Variants in TRIM28 observed in about 807,000 individuals in gnomAD.
TRIM28 encodes transcription intermediary factor 1-beta.
Under a neutral mutation model 87.4 loss-of-function variants are expected in TRIM28, and 8 were observed. The observed-to-expected ratio is 0.09, with a 90% CI of 0.05 to 0.17. The LOEUF is 0.17. Among genes scored for constraint, TRIM28 ranks in the 10% least tolerant of loss-of-function variants. The pLI is 1.00. For synonymous variants in TRIM28, 601 were observed against 454.3 expected (o/e 1.32, Z -4.11); for missense variants, 968 against 1,131.8 (o/e 0.86, Z 2.08).
intron 3 of TRIM28, among the ~76,000 whole-genome samples, chr19:58,546,250 C>T (rs1029795651): frequency 6.6e-6 from 1 of 152,162 alleles, no homozygotes; most frequent in Non-Finnish European, 1.5e-5. Context: ...TTGTGGTTCC[C>T]TGGCACACAT....
In TRIM28 at chr19:58,550,633, C is replaced by T; in HGVS notation, c.*80C>T. On this transcript the variant is annotated 3_prime_UTR_variant, in exon 17 of 17. Coordinates refer to ENST00000253024, the MANE Select transcript of TRIM28 (RefSeq NM_005762.3). ...CATCCCCACTCCCCTGGTGGCCTGA[C>T]TCCCACTCCCTGGTGGCCCCATCCC... 2.8e-6 allele frequency: 4 copies of T among 1,413,114 alleles called. No homozygotes were observed. The highest frequency in any genetic ancestry group is 2.4e-5 in the East Asian group (1 of 41,754). The allele number at this position is 1,413,114 out of a possible 1,614,324, so 87.5% of individuals were successfully genotyped here.
chr19:58,550,320 G>T (rs2053805531), intron 16 of TRIM28, 36 bp downstream of exon 16: 1 of 1,613,574 alleles, frequency 6.2e-7, no homozygotes, highest in African/African-American at 1.3e-5. Context: ...TGGGCAGGGG[G>T]AGATGTGAAG....
chr19:58,547,933 C>T lies in TRIM28; in HGVS notation c.954+27C>T, dbSNP rs778823281. ...TAAGCCTTGTGCCGGTGAGAAGGGT[C>T]CCTGAGCCCCCTCTGCTGATTGATG... On this transcript the variant is annotated intron_variant, in intron 6 of 16. Coordinates refer to ENST00000253024, the MANE Select transcript of TRIM28 (RefSeq NM_005762.3). 11 of 1,613,670 alleles carry T rather than the reference C, an allele frequency of 6.8e-6. No individual in the cohort carries two copies. The East Asian group carries it at 1.3e-4, about 20-fold the overall frequency.
Position 58,549,404 on chromosome 19 carries a change from T to C in TRIM28, c.1736T>C (p.Met579Thr), listed in dbSNP as rs764852136. The change falls in exon 13 of 17, where the codon ATG (methionine) becomes ACG (threonine). Residue 579 changes from methionine to threonine, a missense_variant. By Grantham distance (81) the Met-to-Thr change is moderately conservative (BLOSUM62 -1). Around this residue, in one of 11 missense-constraint regions of TRIM28, gnomAD observed 164 missense variants for 146.2 expected, o/e 1.12. Transcript: ENST00000253024. This position sits in a 1 kb window ranked among gnomAD's most constrained non-coding sequence, Gnocchi z 4.4. ...TEGPETKPVL[M>T]ALAEGPGAEG... ...GGCCCTGAGACCAAACCTGTGCTTA[T>C]GGCTCTTGCGGAGGGTCCTGGTGCT... 1.9e-6 allele frequency: 3 copies of C among 1,595,180 alleles called. No individual in the cohort carries two copies. The highest frequency in any genetic ancestry group is 1.7e-5 in the Admixed American group (1 of 58,660).
rs750472364 is a variant in TRIM28 at position 58,550,412 on chromosome 19, G to T, written c.2367G>T (p.Gln789His). 6.2e-7 allele frequency: 1 copy of T among 1,614,010 alleles called. No homozygotes were observed. Among genetic ancestry groups the T allele is most frequent in the Non-Finnish European group, 8.5e-7 (1 of 1,180,000 alleles). Residue 789 changes from glutamine (Q) to histidine (H), a missense_variant, in exon 17 of 17, where the codon CAG becomes CAT. This residue lies in a region of TRIM28 where 192 missense variants were observed against 225.6 expected (regional missense o/e 0.85). Transcript: ENST00000253024. Reference protein sequence around the residue: ...KADVQSIIGLQRFFETRMNEA... With the variant: ...KADVQSIIGLHRFFETRMNEA... ...ACGTGCAGTCCATCATCGGCCTGCA[G>T]CGCTTCTTCGAGACGCGCATGAACG...
At position 58,549,260 on chromosome 19, in the gene TRIM28, C is replaced by A. The variant is rs181259096; in HGVS notation, c.1662+20C>A. The A allele has an allele frequency of 3.9e-5, 63 of 1,607,950 alleles. No individual in the cohort carries two copies. The East Asian group carries it at 1.2e-3, about 31-fold the overall frequency. ...GTCAAGGTAAGCCTGTCCCAAGGAACTATAGCTGTAGGATGAAGCCTGTAG... is the reference window on the plus strand; with the variant it reads ...GTCAAGGTAAGCCTGTCCCAAGGAAATATAGCTGTAGGATGAAGCCTGTAG... On this transcript the variant is annotated intron_variant, in intron 12 of 16. Coordinates refer to ENST00000253024, the MANE Select transcript of TRIM28 (RefSeq NM_005762.3). The surrounding 1 kb of genome is among the most constrained non-coding windows in gnomAD (Gnocchi z 4.4).
chr19:58,548,420 G>T lies in TRIM28; in HGVS notation c.1216+12G>T. 1 of 1,614,098 alleles carries T rather than the reference G, an allele frequency of 6.2e-7. No homozygotes were observed. The highest frequency in any genetic ancestry group is 8.5e-7 in the Non-Finnish European group (1 of 1,179,984). On this transcript the variant is annotated intron_variant, in intron 8 of 16. Coordinates refer to ENST00000253024, the MANE Select transcript of TRIM28 (RefSeq NM_005762.3). Reference sequence around the variant, plus strand: ...TGCCGAGGCCTTTGGTGGGTCCCCAGCTTTACCTCACTCTGTTATTACCCC... The same window carrying T: ...TGCCGAGGCCTTTGGTGGGTCCCCATCTTTACCTCACTCTGTTATTACCCC...
chr19:58,547,074 G>C (rs765098436), intron 3 of TRIM28: 2 of 333,806 alleles, frequency 6.0e-6, no homozygotes, highest in Non-Finnish European at 1.1e-5. Flanking sequence ...GGTCAGCGGG[G>C]GTGGGGGGTG....
At chr19:58,545,659 G>T in intron 2 of TRIM28, 105 bp from the exon 3 acceptor site, 1 of 1,541,574 alleles carries the variant, frequency 6.5e-7, no homozygotes. Flanking sequence ...GGCTGCCTAG[G>T]TTGGGTCAAG....
chr19:58,549,755 A>C lies in TRIM28; in HGVS notation c.2001A>C (p.Ser667=). The change falls in exon 14 of 17, where the codon TCA becomes TCC. Residue 667 remains serine, a synonymous_variant. Coordinates refer to ENST00000253024, the MANE Select transcript of TRIM28 (RefSeq NM_005762.3). The surrounding 1 kb of genome is among the most constrained non-coding windows in gnomAD (Gnocchi z 4.4). ...ACCCTAGGGAGGAGTGGAGCTGCTC[A>C]CTCTGCCATGTGCTCCCTGACCTGA... is the stretch of plus-strand genomic sequence containing the variant. ...QDVPGEEWSC[S]LCHVLPDLKE... 1 of 1,609,840 alleles carries C rather than the reference A, an allele frequency of 6.2e-7. No homozygotes were observed. Among genetic ancestry groups the C allele is most frequent in the Non-Finnish European group, 8.5e-7 (1 of 1,176,976 alleles).
At chr19:58,548,002 C>T (rs755006810) in intron 6 of TRIM28, 32 bp from the exon 7 acceptor site, 22 of 1,613,274 alleles carry the variant, frequency 1.4e-5, no homozygotes, top group Middle Eastern at 1.6e-4. Flanking sequence ...CTTCTGCCTT[C>T]TCTGCTTACC....
At position 58,547,992 on chromosome 19, in the gene TRIM28, C is replaced by A. The variant is rs182151126; in HGVS notation, c.955-42C>A. ...TGGGGTGAGGAGTGATCCTAGTATTCTTCTGCCTTCTCTGCTTACCTCATA... is the reference window on the plus strand; with the variant it reads ...TGGGGTGAGGAGTGATCCTAGTATTATTCTGCCTTCTCTGCTTACCTCATA... On this transcript the variant is annotated intron_variant, in intron 6 of 16. Transcript: ENST00000253024. 6.5e-4 allele frequency: 1,037 copies of A among 1,606,692 alleles called. 2 individuals are homozygous for A. Among genetic ancestry groups the A allele is most frequent in the Middle Eastern group, 6.0e-3 (36 of 6,038 alleles).
rs2122635478 is a variant in TRIM28 at position 58,550,667 on chromosome 19, T to C, written c.*114T>C. On this transcript the variant is annotated 3_prime_UTR_variant, in exon 17 of 17. Coordinates refer to ENST00000253024, the MANE Select transcript of TRIM28 (RefSeq NM_005762.3). Reference sequence around the variant, plus strand: ...CCTGGTGGCCCCATCCCCCAGTTCCTCACGATATGGTTTTTACTTCTGTGG... The same window carrying C: ...CCTGGTGGCCCCATCCCCCAGTTCCCCACGATATGGTTTTTACTTCTGTGG... The C allele has an allele frequency of 9.3e-7, 1 of 1,070,336 alleles. No individual in the cohort carries two copies. The highest frequency in any genetic ancestry group is 2.6e-5 in the East Asian group (1 of 38,676). The allele number at this position is 1,070,336 out of a possible 1,614,324, so 66.3% of individuals were successfully genotyped here. A position where few individuals can be genotyped will look rare whatever the true frequency, so the allele number is the denominator to read the frequency against.
Position 58,544,804 on chromosome 19 carries a change from C to T in TRIM28, c.47C>T (p.Ala16Val), listed in dbSNP as rs2053744970. 8.2e-7 allele frequency: 1 copy of T among 1,219,618 alleles called. No homozygotes were observed. Among genetic ancestry groups the T allele is most frequent in the East Asian group, 3.5e-5 (1 of 28,340 alleles). 75.5% of individuals were successfully genotyped at this position (1,219,618 alleles called of 1,614,324 possible). ...AAASAAAASA[A>V]SGSPGPGEGS... ...GCCTCGGCAGCAGCGGCCTCGGCCG[C>T]CTCTGGCAGCCCGGGCCCGGGCGAG... is the stretch of plus-strand genomic sequence containing the variant. The change falls in exon 1 of 17, where the codon GCC (alanine) becomes GTC (valine). Residue 16 changes from alanine to valine, a missense_variant. By Grantham distance (64) the Ala-to-Val change is moderately conservative. This residue lies in a region of TRIM28 where 208 missense variants were observed against 170.9 expected (regional missense o/e 1.22). Coordinates refer to ENST00000253024, the MANE Select transcript of TRIM28 (RefSeq NM_005762.3).
Position 58,550,170 on chromosome 19 carries a change from T to C in TRIM28, c.2217T>C (p.Asp739=). The change falls in exon 16 of 17, where the codon GAT becomes GAC. Residue 739 remains aspartate, a synonymous_variant. Coordinates refer to ENST00000253024, the MANE Select transcript of TRIM28 (RefSeq NM_005762.3). ...FSLDQPGGTL[D]LTLIRARLQE... ...AGGACCAGCCCGGTGGCACCCTGGA[T>C]CTGACCCTGATCCGTGCCCGCCTCC... 1 of 1,613,904 alleles carries C rather than the reference T, an allele frequency of 6.2e-7. No individual in the cohort carries two copies. The highest frequency in any genetic ancestry group is 8.5e-7 in the Non-Finnish European group (1 of 1,179,978).
intron 3 of TRIM28, 105 bp downstream of exon 3, chr19:58,546,001 G>A (rs2053758134): frequency 7.1e-7 from 1 of 1,408,422 alleles, no homozygotes; most frequent in Non-Finnish European, 9.4e-7. Context: ...GAGTTCTCTA[G>A]GGGGTGCCGC....
intron 2 of TRIM28, 98 bp from the exon 3 acceptor site, chr19:58,545,666 C>G (rs1463513421): frequency 1.3e-6 from 2 of 1,549,842 alleles, no homozygotes; most frequent in African/African-American, 1.4e-5. Flanking sequence ...TAGGTTGGGT[C>G]AAGGGACCAA....
Position 58,545,059 on chromosome 19 carries a change from A to G in TRIM28, c.302A>G (p.Asn101Ser). The change falls in exon 1 of 17, where the codon AAC becomes AGC. Residue 101 changes from asparagine (N) to serine (S), a missense_variant. Physicochemically the swap from Asn to Ser is conservative, Grantham distance 46. Around this residue, in one of 11 missense-constraint regions of TRIM28, gnomAD observed 208 missense variants for 170.9 expected, o/e 1.22. Coordinates refer to ENST00000253024, the MANE Select transcript of TRIM28 (RefSeq NM_005762.3). Reference sequence around the variant, plus strand: ...GGGCCCGCGGCCCCCGCCGCCGCCAACAGCTCGGGGGACGGCGGGGCGGCG... The same window carrying G: ...GGGCCCGCGGCCCCCGCCGCCGCCAGCAGCTCGGGGGACGGCGGGGCGGCG... ...CLGPAAPAAA[N>S]SSGDGGAAGD... The G allele has an allele frequency of 6.9e-7, 1 of 1,454,248 alleles. No individual in the cohort carries two copies. Among genetic ancestry groups the G allele is most frequent in the Admixed American group, 3.1e-5 (1 of 32,594 alleles). The allele number at this position is 1,454,248 out of a possible 1,614,324, so 90.1% of individuals were successfully genotyped here. A position where few individuals can be genotyped will look rare whatever the true frequency, so the allele number is the denominator to read the frequency against.
intron 3 of TRIM28, chr19:58,547,070 C>T (rs914646910): frequency 4.8e-5 from 11 of 226,960 alleles, no homozygotes; most frequent in South Asian, 2.1e-4. Context: ...GAAGGGTCAG[C>T]GGGGGTGGGG....
Sources: allele counts gnomAD v4.1 joint callset (sites outside exome capture counted in the v4.1 genomes callset), GRCh38; gene constraint gnomAD v4.1.1; regional missense constraint gnomAD v4.1.1; non-coding constraint Gnocchi (gnomAD v3.1); transcripts MANE v1.5; gene names NCBI Gene and HGNC (gene_info 2026-07-23, HGNC 2026-07-21).